The following BRWD3 variants were observed in gnomAD, a reference collection of about 807,000 sequenced individuals.
BRWD3 encodes bromodomain and WD repeat-containing protein 3.
A neutral mutation model predicts 149.7 loss-of-function variants in BRWD3; 10 were observed. That is an observed-to-expected ratio of 0.07 (90% CI 0.04 to 0.11). The LOEUF (loss-of-function observed/expected upper bound fraction) is 0.11, where lower values mean the gene tolerates loss of function less well. Ranked by LOEUF, BRWD3 falls within the 10% of genes least tolerant of loss-of-function variation. The pLI, the probability that BRWD3 is intolerant of heterozygous loss-of-function variation, is 1.00. For missense variants in BRWD3, 940 were observed against 1,373.2 expected (o/e 0.68, Z 4.99); for synonymous variants, 504 against 456.7 (o/e 1.10, Z -1.32).
At chrX:80,724,840 G>A in intron 15 of BRWD3, 93 bp downstream of exon 15, 1 of 990,411 alleles carries the variant, frequency 1.0e-6, no homozygotes, top group Non-Finnish European at 1.4e-6. Flanking sequence ...ATGACAAGAG[G>A]TTCCTCTGCA....
chrX:80,692,024 A>G, intron 29 of BRWD3, 46 bp from the exon 30 acceptor site: 1 of 1,181,906 alleles, frequency 8.5e-7, no homozygotes, highest in Non-Finnish European at 1.1e-6. Flanking sequence ...ATTATTTTCC[A>G]ATATCATGTG....
chrX:80,749,414 T>C (rs780294999), intron 6 of BRWD3, among the ~76,000 whole-genome samples: 54 of 111,813 alleles, frequency 4.8e-4, no homozygotes, highest in Non-Finnish European at 9.2e-4. Context: ...CCAAACTTCT[T>C]GATGAACTAA....
chrX:80,758,654 T>TA (rs1266937588), intron 6 of BRWD3, among the ~76,000 whole-genome samples: 1 of 110,271 alleles, frequency 9.1e-6, no homozygotes, highest in African/African-American at 3.3e-5. Flanking sequence ...GGAACGACAT[T>TA]AAAAAAAGAA....
chrX:80,743,926 T>C, intron 8 of BRWD3, 106 bp downstream of exon 8: 1 of 682,038 alleles, frequency 1.5e-6, no homozygotes, highest in South Asian at 2.9e-5. Flanking sequence ...AGAGAGCATT[T>C]TTCTCTTGTT....
At chrX:80,743,980 A>C in intron 8 of BRWD3, 52 bp downstream of exon 8, 1 of 1,003,808 alleles carries the variant, frequency 1.0e-6, no homozygotes. Context: ...GAAATCAGAG[A>C]ATTCTCACCT....
chrX:80,679,114 A>G (rs2072409329), intron 40 of BRWD3, among the ~76,000 whole-genome samples: 1 of 112,404 alleles, frequency 8.9e-6, no homozygotes, highest in Non-Finnish European at 1.9e-5. Flanking sequence ...CTGAGCCTCC[A>G]GCTCTGTGAG....
intron 25 of BRWD3, among the ~76,000 whole-genome samples, chrX:80,697,481 C>T (rs1282230331): frequency 9.0e-6 from 1 of 111,057 alleles, no homozygotes; most frequent in East Asian, 2.8e-4. Context: ...TCCTAATCTC[C>T]CTTCCTTTGG....
chrX:80,712,728 C>T (rs1320770209), intron 20 of BRWD3, among the ~76,000 whole-genome samples: 5 of 109,456 alleles, frequency 4.6e-5, no homozygotes, highest in Admixed American at 2.9e-4. Context: ...GGCCGCCCAT[C>T]GTCTGAGATG....
intron 6 of BRWD3, among the ~76,000 whole-genome samples, chrX:80,787,891 T>C (rs1252170740): frequency 1.8e-5 from 2 of 108,609 alleles, no homozygotes; most frequent in Non-Finnish European, 3.8e-5. Flanking sequence ...GAGACCATCC[T>C]GACTAACACG....
chrX:80,687,855 T>A (rs903009948), intron 34 of BRWD3, among the ~76,000 whole-genome samples: 4 of 110,224 alleles, frequency 3.6e-5, no homozygotes, highest in African/African-American at 1.3e-4. Flanking sequence ...AGCCTGTACA[T>A]AATTTTCTCC....
chrX:80,692,173 A>G (rs1378825339), intron 28 of BRWD3, 23 bp from the exon 29 acceptor site: 1 of 1,153,109 alleles, frequency 8.7e-7, no homozygotes, highest in Admixed American at 2.2e-5. Flanking sequence ...AAGAAGATGC[A>G]AATCAAATTA....
At chrX:80,682,230 A>G in intron 38 of BRWD3, 136 bp from the exon 39 acceptor site, 1 of 619,775 alleles carries the variant, frequency 1.6e-6, no homozygotes, top group Non-Finnish European at 2.5e-6. Context: ...AATTCATGAA[A>G]TAGATAATTT....
intron 25 of BRWD3, among the ~76,000 whole-genome samples, chrX:80,698,079 CAT>C (rs891949961): frequency 1.3e-4 from 15 of 111,882 alleles, no homozygotes; most frequent in Middle Eastern, 4.2e-3. Context: ...AGCATTTTTT[CAT>C]ATGTTTGTTG....
chrX:80,692,032 G>T, intron 29 of BRWD3, 54 bp from the exon 30 acceptor site: 1 of 1,180,074 alleles, frequency 8.5e-7, no homozygotes. Flanking sequence ...CCAATATCAT[G>T]TGATTACCAT....
At chrX:80,696,036 AAT>A (rs766714947) in intron 26 of BRWD3, 46 bp from the exon 27 acceptor site, 2 of 1,029,667 alleles carry the variant, frequency 1.9e-6, no homozygotes, top group South Asian at 1.9e-5. Flanking sequence ...GAGATATAAC[AAT>A]ATATGTTACT....
Position 80,671,509 on chromosome X carries a change from G to A in BRWD3, c.*5100C>T, listed in dbSNP as rs1315658746. On this transcript the variant is annotated 3_prime_UTR_variant, in exon 41 of 41. Transcript: ENST00000373275. ...CTTTCTTCTGGTTAATTTTTCTCTG[G>A]TACATAAATTAAGGCATAAAGCAGC... 1 of 111,472 alleles carries A rather than the reference G, an allele frequency of 9.0e-6. No homozygotes were observed. The highest frequency in any genetic ancestry group is 1.9e-5 in the Non-Finnish European group (1 of 53,068). The allele number at this position is 111,472 out of a possible 1,213,427, so 9.2% of individuals were successfully genotyped here.
chrX:80,800,574 CA>C (rs397975584), intron 4 of BRWD3, among the ~76,000 whole-genome samples: 15 of 86,403 alleles, frequency 1.7e-4, no homozygotes, highest in African/African-American at 3.4e-4. Context: ...AATACTTGTA[CA>C]AAAAAAAAAA....
chrX:80,809,812 GGT>G lies in BRWD3; in HGVS notation c.-343_-342del, dbSNP rs2074395051. On this transcript the variant is annotated 5_prime_UTR_variant, in exon 1 of 41. Coordinates refer to ENST00000373275, the MANE Select transcript of BRWD3 (RefSeq NM_153252.5). Reference sequence around the variant, plus strand: ...GAGAGAGAGAGAGAGAGACGCGGGGGGTGGGGGGGCGGAGAGAGAGAGAGAGA... The same window carrying G: ...GAGAGAGAGAGAGAGAGACGCGGGGGGGGGGGGCGGAGAGAGAGAGAGAGA... The G allele has an allele frequency of 9.4e-6, 1 of 106,257 alleles. No individual in the cohort carries two copies. The highest frequency in any genetic ancestry group is 4.7e-5 in the African/African-American group (1 of 21,097). The allele number at this position is 106,257 out of a possible 1,213,427, so 8.8% of individuals were successfully genotyped here. A position where few individuals can be genotyped will look rare whatever the true frequency, so the allele number is the denominator to read the frequency against.
chrX:80,689,898 T>A (rs1416339228), intron 32 of BRWD3, 52 bp from the exon 33 acceptor site: 2 of 1,161,737 alleles, frequency 1.7e-6, no homozygotes, highest in African/African-American at 3.6e-5. Context: ...ATTTTTCAAT[T>A]AATTTTTTTA....
Sources: allele counts gnomAD v4.1 joint callset (sites outside exome capture counted in the v4.1 genomes callset), GRCh38; gene constraint gnomAD v4.1.1; transcripts MANE v1.5; gene names NCBI Gene and HGNC (gene_info 2026-07-23, HGNC 2026-07-21).